RFX2: variants seen among roughly 807,000 people sequenced by gnomAD.
The protein encoded by RFX2 is DNA-binding protein RFX2.
RFX2 carries 20 observed loss-of-function variants against 87.8 expected under a neutral mutation model. The ratio of observed to expected loss-of-function variants is 0.23; its 90% CI spans 0.16 to 0.33. The LOEUF is 0.33. RFX2 is among the 10% of genes least tolerant of loss of function. The pLI is 1.00. For synonymous variants in RFX2, 397 were observed against 431.3 expected (o/e 0.92, Z 0.98); for missense variants, 767 against 1,012.3 (o/e 0.76, Z 3.29).
intron 3 of RFX2, among the ~76,000 whole-genome samples, chr19:6,042,363 G>A (rs889145915): frequency 4.6e-5 from 7 of 152,216 alleles, no homozygotes; most frequent in Non-Finnish European, 8.8e-5. Context: ...CTCTGCTAGC[G>A]TGTCTGTGCG....
In RFX2 at chr19:6,020,438, C is replaced by T. The variant is rs2086795984; in HGVS notation, c.598-4167G>A. 6.6e-6 allele frequency: 1 copy of T among 152,186 alleles called. No individual in the cohort carries two copies. The highest frequency in any genetic ancestry group is 1.5e-5 in the Non-Finnish European group (1 of 68,048). 9.4% of individuals were successfully genotyped at this position (152,186 alleles called of 1,614,324 possible). On this transcript the variant is annotated intron_variant, in intron 6 of 17. Coordinates refer to ENST00000303657, the MANE Select transcript of RFX2 (RefSeq NM_000635.4). The surrounding 1 kb of genome is among the most constrained non-coding windows in gnomAD (Gnocchi z 5.3). ...GCTGGAACAGTCGCGTCTATTTCCT[C>T]CCTCTTCTGTGTTGATGAACTTCTG...
At position 6,050,199 on chromosome 19, in the gene RFX2, G is replaced by A. The variant is rs1056175903; in HGVS notation, c.-8-2695C>T. On this transcript the variant is annotated intron_variant, in intron 1 of 17. Transcript: ENST00000303657. The surrounding 1 kb of genome is among the most constrained non-coding windows in gnomAD (Gnocchi z 4.6). Reference sequence around the variant, plus strand: ...CTGCCTGTTGCAGGAGGGAGAGTTTGAATCTAGCCAAGTCACTTGCCTTCA... The same window carrying A: ...CTGCCTGTTGCAGGAGGGAGAGTTTAAATCTAGCCAAGTCACTTGCCTTCA... Among the ~76,000 whole-genome samples the A allele has an allele frequency of 6.6e-6, 1 of 152,196 alleles. No individual in the cohort carries two copies. Among genetic ancestry groups the A allele is most frequent in the African/African-American group, 2.4e-5 (1 of 41,448 alleles).
In RFX2 at chr19:6,017,090, T is replaced by G. The variant is rs1409023150; in HGVS notation, c.598-819A>C. Among the ~76,000 whole-genome samples, 1 of 152,166 alleles carries G rather than the reference T, an allele frequency of 6.6e-6. No homozygotes were observed. Among genetic ancestry groups the G allele is most frequent in the Admixed American group, 6.5e-5 (1 of 15,274 alleles). On this transcript the variant is annotated intron_variant, in intron 6 of 17. Coordinates refer to ENST00000303657, the MANE Select transcript of RFX2 (RefSeq NM_000635.4). The surrounding 1 kb of genome is among the most constrained non-coding windows in gnomAD (Gnocchi z 4.1). Reference sequence around the variant, plus strand: ...ACAAATGCTTATATGCACGGTTTTGTGTCTAAGTCAAAAGGCAGGACATAG... The same window carrying G: ...ACAAATGCTTATATGCACGGTTTTGGGTCTAAGTCAAAAGGCAGGACATAG...
Position 6,029,076 on chromosome 19 carries a change from C to CAA in RFX2, c.523-2841_523-2840dup, listed in dbSNP as rs56768626. On this transcript the variant is annotated intron_variant, in intron 5 of 17. Coordinates refer to ENST00000303657, the MANE Select transcript of RFX2 (RefSeq NM_000635.4). ...CCTGGCCAACAGAGTGAGACTGTCT[C>CAA]AAAAAAAAAAAAAAATGCAGATTTT... 1.8e-3 allele frequency among the ~76,000 whole-genome samples: 217 copies of CAA among 122,428 alleles called. 3 individuals carry two copies. The highest frequency in any genetic ancestry group is 0.014 in the South Asian group (55 of 3,794). 80.3% of individuals were successfully genotyped at this position (122,428 alleles called of 152,430 possible). A position where few individuals can be genotyped will look rare whatever the true frequency, so the allele number is the denominator to read the frequency against.
Position 6,004,751 on chromosome 19 carries a change from C to T in RFX2, c.1403-453G>A, listed in dbSNP as rs2144679988. ...CACGTAAATACATTCTACCAACTTC[C>T]TAATTTATTTTAAAGTGGGTTAGAA... On this transcript the variant is annotated intron_variant, in intron 12 of 17. Transcript: ENST00000303657. The surrounding 1 kb of genome is among the most constrained non-coding windows in gnomAD (Gnocchi z 4.8). 6.6e-6 allele frequency among the ~76,000 whole-genome samples: 1 copy of T among 152,030 alleles called. No homozygotes were observed. The highest frequency in any genetic ancestry group is 2.4e-5 in the African/African-American group (1 of 41,484).
At chr19:6,097,150 A>AC (rs1447197691) in intron 1 of RFX2, among the ~76,000 whole-genome samples, 1 of 152,014 alleles carries the variant, frequency 6.6e-6, no homozygotes, top group African/African-American at 2.4e-5. Flanking sequence ...GGATGAGATG[A>AC]CCCCTAGCCT....
rs1037975857 is a variant in RFX2, at chr19:6,021,463, G to A, written c.597+4700C>T. 6.6e-6 allele frequency among the ~76,000 whole-genome samples: 1 copy of A among 152,200 alleles called. No homozygotes were observed. Among genetic ancestry groups the A allele is most frequent in the Non-Finnish European group, 1.5e-5 (1 of 68,038 alleles). On this transcript the variant is annotated intron_variant, in intron 6 of 17. Coordinates refer to ENST00000303657, the MANE Select transcript of RFX2 (RefSeq NM_000635.4). This position sits in a 1 kb window ranked among gnomAD's most constrained non-coding sequence, Gnocchi z 5.7. ...ACCTGGGAAAGGGGATGGGGTCGCCGCCACGGAGGGACTGGAGGGAGGACT... is the reference window on the plus strand; with the variant it reads ...ACCTGGGAAAGGGGATGGGGTCGCCACCACGGAGGGACTGGAGGGAGGACT...
At position 6,040,346 on chromosome 19, in the gene RFX2, G is replaced by A; in HGVS notation, c.261-105C>T. ...CATCACGTAAAAGCTGCAACCCAGA[G>A]AGGCCAGACATATGGAGCAATTCGG... On this transcript the variant is annotated intron_variant, in intron 4 of 17. Transcript: ENST00000303657. The surrounding 1 kb of genome is among the most constrained non-coding windows in gnomAD (Gnocchi z 6.1). 3 of 1,258,810 alleles carry A rather than the reference G, an allele frequency of 2.4e-6. No individual in the cohort carries two copies. The South Asian group carries it at 5.1e-5, about 21-fold the overall frequency. The allele number at this position is 1,258,810 out of a possible 1,614,324, so 78.0% of individuals were successfully genotyped here.
At position 5,997,003 on chromosome 19, in the gene RFX2, G is replaced by A. The variant is rs920977858; in HGVS notation, c.2013+57C>T. 23 of 1,548,980 alleles carry A rather than the reference G, an allele frequency of 1.5e-5. No individual in the cohort carries two copies. Among genetic ancestry groups the A allele is most frequent in the Admixed American group, 8.8e-5 (5 of 57,102 alleles). On this transcript the variant is annotated intron_variant, in intron 16 of 17. Coordinates refer to ENST00000303657, the MANE Select transcript of RFX2 (RefSeq NM_000635.4). This position sits in a 1 kb window ranked among gnomAD's most constrained non-coding sequence, Gnocchi z 4.2. ...CTCTCTGGGCTGCTCAGAGCACACC[G>A]CCCTCTCCCCACAGGCCCGGCCAAG... is the stretch of plus-strand genomic sequence containing the variant.
rs2087471167 is a variant in RFX2, at chr19:6,063,686, G to T, written c.-8-16182C>A. 6.6e-6 allele frequency among the ~76,000 whole-genome samples: 1 copy of T among 152,220 alleles called. No homozygotes were observed. Among genetic ancestry groups the T allele is most frequent in the Non-Finnish European group, 1.5e-5 (1 of 68,030 alleles). On this transcript the variant is annotated intron_variant, in intron 1 of 17. Transcript: ENST00000303657. This position sits in a 1 kb window ranked among gnomAD's most constrained non-coding sequence, Gnocchi z 4.0. ...GGGAAACCCTCTCTCCAGTCAGCTTGTCATGTCATACAGGCTTTCCTGACC... is the reference window on the plus strand; with the variant it reads ...GGGAAACCCTCTCTCCAGTCAGCTTTTCATGTCATACAGGCTTTCCTGACC...
intron 1 of RFX2, chr19:6,073,270 G>T: frequency 1.3e-6 from 1 of 797,648 alleles, no homozygotes; most frequent in Non-Finnish European, 2.1e-6. Context: ...ATGAGCCACC[G>T]CGCCTGCAAG....
intron 1 of RFX2, chr19:6,109,240 C>G (rs1001121853): frequency 4.6e-5 from 7 of 151,898 alleles, no homozygotes; most frequent in African/African-American, 1.7e-4. Flanking sequence ...AAGAGGAGAG[C>G]TGCGGACGTG....
chr19:6,088,740 G>T (rs1442467345), intron 1 of RFX2, among the ~76,000 whole-genome samples: 1 of 152,154 alleles, frequency 6.6e-6, no homozygotes, highest in Non-Finnish European at 1.5e-5. Flanking sequence ...ATATACACAT[G>T]AGTACTAGTC....
rs1281695095 is a variant in RFX2, at chr19:6,001,187, G to A, written c.1859+628C>T. Among the ~76,000 whole-genome samples, 2 of 152,214 alleles carry A rather than the reference G, an allele frequency of 1.3e-5. No homozygotes were observed. Among genetic ancestry groups the A allele is most frequent in the African/African-American group, 4.8e-5 (2 of 41,450 alleles). On this transcript the variant is annotated intron_variant, in intron 15 of 17. Coordinates refer to ENST00000303657, the MANE Select transcript of RFX2 (RefSeq NM_000635.4). The surrounding 1 kb of genome is among the most constrained non-coding windows in gnomAD (Gnocchi z 5.6). ...CCAGCCTGTTTCTTTCTCTCTGGAA[G>A]CTTTTATGGTTGTTTCTCAAACTTG...
Position 6,040,387 on chromosome 19 carries a change from C to A in RFX2, c.261-146G>T. 3.9e-6 allele frequency: 3 copies of A among 763,014 alleles called. No individual in the cohort carries two copies. The South Asian group carries it at 8.9e-5, about 23-fold the overall frequency. The allele number at this position is 763,014 out of a possible 1,614,324, so 47.3% of individuals were successfully genotyped here. On this transcript the variant is annotated intron_variant, in intron 4 of 17. Transcript: ENST00000303657. The surrounding 1 kb of genome is among the most constrained non-coding windows in gnomAD (Gnocchi z 6.1). ...AGCAATTCGGACGTGGCATATGACACTCAAATGCAGCGCAAGTTCACAGCC... is the reference window on the plus strand; with the variant it reads ...AGCAATTCGGACGTGGCATATGACAATCAAATGCAGCGCAAGTTCACAGCC...
At chr19:6,015,553 A>G (rs1157834206) in intron 7 of RFX2, among the ~76,000 whole-genome samples, 1 of 151,892 alleles carries the variant, frequency 6.6e-6, no homozygotes, top group Non-Finnish European at 1.5e-5. Context: ...CAGTGGTGCA[A>G]TCGTGGCTCA....
chr19:6,036,604 A>G (rs919001298), intron 5 of RFX2, among the ~76,000 whole-genome samples: 1 of 152,230 alleles, frequency 6.6e-6, no homozygotes, highest in Non-Finnish European at 1.5e-5. Context: ...AATCAATGCA[A>G]TTCATTATAT....
At chr19:6,100,988 T>C (rs745586696) in intron 1 of RFX2, among the ~76,000 whole-genome samples, 12 of 151,972 alleles carry the variant, frequency 7.9e-5, no homozygotes, top group Non-Finnish European at 1.6e-4. Flanking sequence ...AAAGATTTGC[T>C]CCTGAGACAT....
In RFX2 at chr19:6,050,708, A is replaced by G. The variant is rs1037403989; in HGVS notation, c.-8-3204T>C. Among the ~76,000 whole-genome samples, 1 of 152,206 alleles carries G rather than the reference A, an allele frequency of 6.6e-6. No individual in the cohort carries two copies. The highest frequency in any genetic ancestry group is 2.4e-5 in the African/African-American group (1 of 41,460). On this transcript the variant is annotated intron_variant, in intron 1 of 17. Transcript: ENST00000303657. The surrounding 1 kb of genome is among the most constrained non-coding windows in gnomAD (Gnocchi z 4.6). Reference sequence around the variant, plus strand: ...ATGAATAGAACAAACTGTCTAATATATATGTAACGAGAGTCCCAGAAGAGA... The same window carrying G: ...ATGAATAGAACAAACTGTCTAATATGTATGTAACGAGAGTCCCAGAAGAGA...
Sources: gnomAD v4.1 joint callset for allele counts (sites outside exome capture counted in the v4.1 genomes callset) on GRCh38, gnomAD v4.1.1 for gene constraint, Gnocchi (gnomAD v3.1) non-coding constraint, MANE v1.5 for transcripts, NCBI Gene and HGNC (gene_info 2026-07-23, HGNC 2026-07-21) for gene names.